Variants in CLEC5A observed in about 807,000 individuals in gnomAD.
CLEC5A encodes the protein C-type lectin domain containing 5A.
Under a neutral mutation model 24.4 loss-of-function variants are expected in CLEC5A, and 15 were observed. The observed-to-expected ratio is 0.62, with a 90% CI of 0.41 to 0.95. The LOEUF (loss-of-function observed/expected upper bound fraction) is 0.95. CLEC5A is among the 40% of genes least tolerant of loss of function. The probability of loss-of-function intolerance (pLI) is 0.00; values close to 1 mark genes in which losing one functional copy is unlikely to be tolerated. For synonymous variants in CLEC5A, 71 were observed against 72.6 expected, an observed-to-expected ratio of 0.98 and a Z score of 0.11; for missense variants, 211 against 224.0, an observed-to-expected ratio of 0.94 and a Z score of 0.37.
chr7:141,939,808 A>G (rs1802733835), intron 4 of CLEC5A, among the ~76,000 whole-genome samples: 1 of 152,132 alleles, frequency 6.6e-6, no homozygotes, highest in South Asian at 2.1e-4. Flanking sequence ...GACAAAATAG[A>G]TCTTGAGACA....
At chr7:141,934,614 T>TG (rs1802561931) in intron 5 of CLEC5A, among the ~76,000 whole-genome samples, 1 of 13,272 alleles carries the variant, frequency 7.5e-5, no homozygotes, top group African/African-American at 6.3e-4. Context: ...TTCTTTAACG[T>TG]TTTTTTTTTT....
intron 5 of CLEC5A, among the ~76,000 whole-genome samples, chr7:141,935,573 T>C (rs1188941398): frequency 1.1e-4 from 17 of 152,222 alleles, no homozygotes; most frequent in Admixed American, 1.1e-3. Flanking sequence ...CAGTGCGCTA[T>C]AGAAAAGACC....
rs17162587 is a variant in CLEC5A at position 141,945,973 on chromosome 7, G to A, written c.79+241C>T. 2,067 of 487,640 alleles carry A rather than the reference G, an allele frequency of 4.2e-3. 50 individuals carry two copies. Among genetic ancestry groups the A allele is most frequent in the East Asian group, 0.039 (1,158 of 29,318 alleles). 30.2% of individuals were successfully genotyped at this position (487,640 alleles called of 1,614,324 possible). A position where few individuals can be genotyped will look rare whatever the true frequency, so the allele number is the denominator to read the frequency against. Reference sequence around the variant, plus strand: ...AATACTCTACTAGCAAAAGCTTTGCGTGGCGTTCTAACCATCAGAAACTGG... The same window carrying A: ...AATACTCTACTAGCAAAAGCTTTGCATGGCGTTCTAACCATCAGAAACTGG... On this transcript the variant is annotated intron_variant, in intron 2 of 6. Coordinates refer to ENST00000546910, the MANE Select transcript of CLEC5A (RefSeq NM_013252.3).
chr7:141,930,060 T>G lies in CLEC5A; in HGVS notation c.*44A>C. ...CATTGGCCAGACGACCTGTATGGAT[T>G]CAAAAAGAGTTGCAAGTATAGTTCT... On this transcript the variant is annotated 3_prime_UTR_variant, in exon 7 of 7. Coordinates refer to ENST00000546910, the MANE Select transcript of CLEC5A (RefSeq NM_013252.3). 6.8e-7 allele frequency: 1 copy of G among 1,474,594 alleles called. No individual in the cohort carries two copies. Among genetic ancestry groups the G allele is most frequent in the Non-Finnish European group, 9.5e-7 (1 of 1,056,332 alleles). The allele number at this position is 1,474,594 out of a possible 1,614,324, so 91.3% of individuals were successfully genotyped here. A position where few individuals can be genotyped will look rare whatever the true frequency, so the allele number is the denominator to read the frequency against.
intron 4 of CLEC5A, among the ~76,000 whole-genome samples, chr7:141,943,285 C>A (rs962695065): frequency 4.6e-5 from 7 of 152,100 alleles, no homozygotes; most frequent in African/African-American, 1.7e-4. Context: ...ATGAATGGAA[C>A]TGGAGGTCAT....
intron 4 of CLEC5A, among the ~76,000 whole-genome samples, chr7:141,939,202 TACA>T (rs1428105577): frequency 9.2e-5 from 14 of 152,040 alleles, no homozygotes; most frequent in Admixed American, 8.5e-4. Flanking sequence ...AAATGATAAC[TACA>T]ACAACTTTTC....
chr7:141,933,662 C>T (rs994802965), intron 5 of CLEC5A, among the ~76,000 whole-genome samples: 2 of 148,236 alleles, frequency 1.3e-5, no homozygotes, highest in African/African-American at 5.1e-5. Flanking sequence ...AGCTCAGAGC[C>T]ACTATTGTTT....
At chr7:141,944,799 A>G (rs1554441949) in intron 3 of CLEC5A, among the ~76,000 whole-genome samples, 1 of 152,178 alleles carries the variant, frequency 6.6e-6, no homozygotes, top group Admixed American at 6.6e-5. Flanking sequence ...AGACTCTAAG[A>G]TGTAATAGCC....
intron 2 of CLEC5A, 98 bp downstream of exon 2, chr7:141,946,116 T>G: frequency 7.5e-7 from 1 of 1,334,426 alleles, no homozygotes; most frequent in Non-Finnish European, 1.0e-6. Context: ...TGGAAAGACT[T>G]GGATATGTAA....
Position 141,945,348 on chromosome 7 carries a change from A to G in CLEC5A, c.132T>C (p.Tyr44=), listed in dbSNP as rs80313390. ...SNDGFTTTRS[Y]GTVSQIFGSS... ...TACCACCATGCAGATTACCTGTTCCATAGCTCCTGGTGGTGGTGAAACCAT... is the reference window on the plus strand; with the variant it reads ...TACCACCATGCAGATTACCTGTTCCGTAGCTCCTGGTGGTGGTGAAACCAT... Residue 44 remains tyrosine, a synonymous_variant, in exon 3 of 7, where the codon TAT becomes TAC. Coordinates refer to ENST00000546910, the MANE Select transcript of CLEC5A (RefSeq NM_013252.3). 3.5e-3 allele frequency: 5,636 copies of G among 1,610,672 alleles called. 18 individuals carry two copies. Among genetic ancestry groups the G allele is most frequent in the Non-Finnish European group, 4.5e-3 (5,294 of 1,176,940 alleles).
intron 4 of CLEC5A, among the ~76,000 whole-genome samples, chr7:141,940,834 A>G (rs555042563): frequency 1.3e-5 from 2 of 152,170 alleles, no homozygotes; most frequent in South Asian, 2.1e-4. Flanking sequence ...TCTAGAAGAA[A>G]TGGGCAAATT....
At chr7:141,943,645 A>G (rs1554441826) in intron 4 of CLEC5A, among the ~76,000 whole-genome samples, 1 of 152,184 alleles carries the variant, frequency 6.6e-6, no homozygotes, top group African/African-American at 2.4e-5. Context: ...TTACCCTGAT[A>G]TAATTATTAC....
intron 6 of CLEC5A, 56 bp downstream of exon 6, chr7:141,931,664 G>A: frequency 1.1e-6 from 1 of 925,776 alleles, no homozygotes; most frequent in Non-Finnish European, 1.8e-6. Context: ...GCAATCTCAG[G>A]TTTGGTCTTT....
At chr7:141,936,211 A>G (rs180991113) in intron 4 of CLEC5A, 10 of 468,726 alleles carry the variant, frequency 2.1e-5, no homozygotes, top group East Asian at 2.1e-4. Flanking sequence ...TTTGACAACT[A>G]TCTACACACA....
intron 4 of CLEC5A, among the ~76,000 whole-genome samples, chr7:141,940,709 T>C (rs1273154953): frequency 6.8e-6 from 1 of 146,816 alleles, no homozygotes; most frequent in Non-Finnish European, 1.5e-5. Context: ...GAGAAAGAGA[T>C]GACCCAAATT....
chr7:141,943,892 T>C lies in CLEC5A; in HGVS notation c.208+4A>G. ...GGGGAGTAGGTTGTAATCATGCACT[T>C]TACCTGTTCCATAGCTCCTTGTGGT... On this transcript the variant is annotated splice_donor_region_variant and intron_variant, in intron 4 of 6. Coordinates refer to ENST00000546910, the MANE Select transcript of CLEC5A (RefSeq NM_013252.3). 1.3e-6 allele frequency: 2 copies of C among 1,596,446 alleles called. No individual in the cohort carries two copies. The highest frequency in any genetic ancestry group is 1.7e-6 in the Non-Finnish European group (2 of 1,164,228).
In CLEC5A at chr7:141,940,506, T is replaced by C. The variant is rs893309204; in HGVS notation, c.208+3390A>G. Among the ~76,000 whole-genome samples the C allele has an allele frequency of 4.0e-5, 6 of 151,276 alleles. No homozygotes were observed. The South Asian group carries it at 1.2e-3, about 31-fold the overall frequency. ...TAAAAACTTCAAACCAAAAACCTGA[T>C]GACAAATCTTAAAGAACTAAAAAAG... On this transcript the variant is annotated intron_variant, in intron 4 of 6. Transcript: ENST00000546910.
intron 1 of CLEC5A, 111 bp from the exon 2 acceptor site, chr7:141,946,423 A>G (rs999307195): frequency 1.1e-6 from 1 of 916,570 alleles, no homozygotes; most frequent in African/African-American, 1.7e-5. Flanking sequence ...GGCTTGGAAG[A>G]CAGGCATGAC....
chr7:141,945,455 T>G, intron 2 of CLEC5A, 55 bp from the exon 3 acceptor site: 1 of 1,249,268 alleles, frequency 8.0e-7, no homozygotes, highest in Non-Finnish European at 1.2e-6. Flanking sequence ...ATGATGAATA[T>G]GACAAACAAG....
Sources: gnomAD v4.1 joint callset for allele counts (sites outside exome capture counted in the v4.1 genomes callset) on GRCh38, gnomAD v4.1.1 for gene constraint, MANE v1.5 for transcripts, NCBI Gene and HGNC (gene_info 2026-07-23, HGNC 2026-07-21) for gene names.